TPO: variants seen among roughly 807,000 people sequenced by gnomAD.
TPO encodes the protein thyroid microsomal antigen.
In TPO, 78 loss-of-function variants were observed where a neutral mutation model predicts 96.9. The ratio of observed to expected loss-of-function variants is 0.81; its 90% CI spans 0.67 to 0.97. The LOEUF is 0.97. Among genes scored for constraint, TPO ranks in the 50% least tolerant of loss-of-function variants. TPO has a pLI of 0.00. For synonymous variants in TPO, 547 were observed against 538.0 expected (o/e 1.02, Z -0.23); for missense variants, 1,252 against 1,274.8 (o/e 0.98, Z 0.27).
intron 3 of TPO, among the ~76,000 whole-genome samples, chr2:1,428,169 C>A (rs890720036): frequency 6.6e-6 from 1 of 152,148 alleles, no homozygotes; most frequent in Admixed American, 6.5e-5. Context: ...CCTATTAATA[C>A]CTTGCTTATG....
intron 10 of TPO, among the ~76,000 whole-genome samples, chr2:1,490,442 G>A (rs778874109): frequency 1.5e-3 from 208 of 142,950 alleles, no homozygotes; most frequent in Non-Finnish European, 2.8e-3. Flanking sequence ...GGGGAGTCAC[G>A]ACACAGCAGT....
At chr2:1,475,905 C>G (rs1030648018) in intron 7 of TPO, among the ~76,000 whole-genome samples, 4 of 152,250 alleles carry the variant, frequency 2.6e-5, no homozygotes, top group Non-Finnish European at 4.4e-5. Context: ...CTGACAGCAT[C>G]TGCTTTGCTG....
chr2:1,511,863 C>T (rs187515782), intron 14 of TPO, among the ~76,000 whole-genome samples: 16 of 152,322 alleles, frequency 1.1e-4, no homozygotes, highest in African/African-American at 3.1e-4. Context: ...GTTCAGCCCA[C>T]GACAGCCAAT....
chr2:1,431,677 T>C (rs4927607), intron 3 of TPO, among the ~76,000 whole-genome samples: 47,036 of 152,036 alleles, frequency 0.31, 7,946 homozygotes, highest in South Asian at 0.48. Context: ...TTTTTAGTAT[T>C]CAATATTATT....
At chr2:1,530,176 CACT>C (rs1677753363) in intron 15 of TPO, among the ~76,000 whole-genome samples, 1 of 116,822 alleles carries the variant, frequency 8.6e-6, no homozygotes, top group Non-Finnish European at 1.7e-5. Flanking sequence ...CAAATCCCCC[CACT>C]GTGTCCAACC....
intron 5 of TPO, among the ~76,000 whole-genome samples, chr2:1,447,383 C>T (rs185538932): frequency 6.6e-6 from 1 of 152,194 alleles, no homozygotes; most frequent in Admixed American, 6.5e-5. Flanking sequence ...GGCCTAGAAG[C>T]CCCCGCTTCC....
chr2:1,421,655 G>A (rs1358464990), intron 2 of TPO, among the ~76,000 whole-genome samples: 1 of 152,184 alleles, frequency 6.6e-6, no homozygotes, highest in Admixed American at 6.5e-5. Context: ...GGAAATAAGA[G>A]GAAAATAAAG....
At chr2:1,462,970 T>G (rs1573295772) in intron 7 of TPO, among the ~76,000 whole-genome samples, 1 of 152,220 alleles carries the variant, frequency 6.6e-6, no homozygotes, top group Non-Finnish European at 1.5e-5. Flanking sequence ...TTAGATGATA[T>G]TGTACTTGTC....
At chr2:1,433,628 C>A (rs1213436752) in intron 4 of TPO, 21 bp downstream of exon 4, 2 of 1,611,012 alleles carry the variant, frequency 1.2e-6, no homozygotes, top group Non-Finnish European at 1.7e-6. Flanking sequence ...CCCCTCTCCC[C>A]ACTGAGGAGC....
rs190403789 is a variant in TPO, at chr2:1,419,152, C to T, written c.95-3893C>T. ...GAGAATTTGGGGGAACCGTGCCATG[C>T]GCCCCTCAGAGCAGGAGCAATCTTG... On this transcript the variant is annotated intron_variant, in intron 2 of 16. Transcript: ENST00000329066. 2.6e-5 allele frequency among the ~76,000 whole-genome samples: 4 copies of T among 152,284 alleles called. No individual in the cohort carries two copies. In the South Asian group the frequency reaches 6.2e-4, roughly 24 times the overall value.
At chr2:1,447,897 G>A (rs1666965230) in intron 5 of TPO, among the ~76,000 whole-genome samples, 1 of 152,194 alleles carries the variant, frequency 6.6e-6, no homozygotes, top group Admixed American at 6.5e-5. Flanking sequence ...GAGAGAGGGA[G>A]AGAACCTGAG....
intron 3 of TPO, among the ~76,000 whole-genome samples, chr2:1,426,787 T>A (rs1275039216): frequency 1.3e-5 from 2 of 152,214 alleles, no homozygotes; most frequent in Non-Finnish European, 2.9e-5. Context: ...AGTAAAAGTT[T>A]TAATAATAAT....
intron 1 of TPO, among the ~76,000 whole-genome samples, chr2:1,394,227 G>A (rs967337895): frequency 4.6e-5 from 7 of 152,192 alleles, no homozygotes; most frequent in Non-Finnish European, 1.5e-5. Context: ...AAAGTTTACA[G>A]GAAAACACAA....
intron 1 of TPO, among the ~76,000 whole-genome samples, chr2:1,398,531 C>G (rs1662119970): frequency 6.6e-6 from 1 of 152,214 alleles, no homozygotes; most frequent in African/African-American, 2.4e-5. Flanking sequence ...CCTGTTGTGG[C>G]CCCAGCATTG....
chr2:1,453,300 T>C (rs1667477654), intron 5 of TPO, among the ~76,000 whole-genome samples: 1 of 152,240 alleles, frequency 6.6e-6, no homozygotes, highest in East Asian at 1.9e-4. Flanking sequence ...AAGGATGTTT[T>C]ATGCCACAGG....
At chr2:1,503,835 C>A in intron 13 of TPO, 113 bp from the exon 14 acceptor site, 1 of 1,588,470 alleles carries the variant, frequency 6.3e-7, no homozygotes. Flanking sequence ...GGTGGGATGG[C>A]AGGCAAAGGG....
chr2:1,512,427 G>A (rs758158733), intron 14 of TPO: 88 of 985,356 alleles, frequency 8.9e-5, no homozygotes, highest in Non-Finnish European at 1.0e-4. Context: ...GAGAGCCCCT[G>A]AGCCCGGCCC....
intron 8 of TPO, 115 bp from the exon 9 acceptor site, chr2:1,484,481 G>A (rs1035878974): frequency 2.3e-5 from 31 of 1,372,144 alleles, no homozygotes; most frequent in Admixed American, 1.4e-4. Flanking sequence ...ATTACAAGAC[G>A]AGAAGGGTCC....
intron 15 of TPO, among the ~76,000 whole-genome samples, chr2:1,526,948 A>T (rs1181225595): frequency 1.2e-4 from 17 of 142,060 alleles, no homozygotes; most frequent in African/African-American, 4.6e-4. Flanking sequence ...ACCTCCACAA[A>T]TCCCCCACAC....
Sources: allele counts gnomAD v4.1 joint callset (sites outside exome capture counted in the v4.1 genomes callset), GRCh38; gene constraint gnomAD v4.1.1; transcripts MANE v1.5; gene names NCBI Gene and HGNC (gene_info 2026-07-23, HGNC 2026-07-21).